The following EBF3 variants were observed in gnomAD, a reference collection of about 807,000 sequenced individuals.
The protein encoded by EBF3 is transcription factor COE3.
A neutral mutation model predicts 77.1 loss-of-function variants in EBF3; 18 were observed. That is an observed-to-expected ratio of 0.23 (90% confidence interval 0.16 to 0.35). The LOEUF is 0.35. Among genes scored for constraint, EBF3 ranks in the 10% least tolerant of loss-of-function variants. The pLI is 1.00. For synonymous variants in EBF3, 350 were observed against 343.5 expected (o/e 1.02, Z -0.21); for missense variants, 558 against 860.0 (o/e 0.65, Z 4.39).
chr10:129,890,258 C>T lies in EBF3; in HGVS notation c.555-12409G>A, dbSNP rs191990617. 2.1e-3 allele frequency among the ~76,000 whole-genome samples: 321 copies of T among 152,340 alleles called. 1 individual carries two copies. Among genetic ancestry groups the T allele is most frequent in the Non-Finnish European group, 3.4e-3 (234 of 68,030 alleles). On this transcript the variant is annotated intron_variant, in intron 6 of 16. Coordinates refer to ENST00000440978, the MANE Select transcript of EBF3 (RefSeq NM_001375380.1). ...ACAACAGAACCTTCAGCAGAAGGAA[C>T]ATCCCCGGGCTGTGTGGTACAAGTG...
chr10:129,895,493 G>A (rs1406319231), intron 6 of EBF3, among the ~76,000 whole-genome samples: 8 of 152,196 alleles, frequency 5.3e-5, no homozygotes, highest in South Asian at 4.1e-4. Context: ...CTTCTCCTCC[G>A]AGTATGGGTA....
intron 10 of EBF3, among the ~76,000 whole-genome samples, chr10:129,856,939 C>A (rs891176130): frequency 6.6e-6 from 1 of 152,110 alleles, no homozygotes; most frequent in African/African-American, 2.4e-5. Context: ...TCTTCCAGGG[C>A]CGGAGTGCCG....
chr10:129,849,165 C>T (rs949942158), intron 10 of EBF3, among the ~76,000 whole-genome samples: 9 of 152,190 alleles, frequency 5.9e-5, no homozygotes, highest in African/African-American at 2.2e-4. Flanking sequence ...GAATCACGGC[C>T]GGGACTCCGT....
intron 10 of EBF3, among the ~76,000 whole-genome samples, chr10:129,851,625 T>G (rs1437872233): frequency 6.6e-6 from 1 of 151,778 alleles, no homozygotes; most frequent in Non-Finnish European, 1.5e-5. Context: ...AGAGGATGAG[T>G]TTTCTAAGAA....
intron 10 of EBF3, among the ~76,000 whole-genome samples, chr10:129,853,290 T>C (rs1433536871): frequency 1.3e-5 from 2 of 152,124 alleles, no homozygotes; most frequent in Admixed American, 6.5e-5. Context: ...ATACAAGAAG[T>C]TTTAGGTTTA....
chr10:129,959,526 G>C (rs1182099069), intron 4 of EBF3, among the ~76,000 whole-genome samples: 7 of 151,968 alleles, frequency 4.6e-5, no homozygotes, highest in South Asian at 2.1e-4. Context: ...AGTTTGCCAA[G>C]GGCCGAGGGC....
Position 129,875,035 on chromosome 10 carries a change from T to C in EBF3, c.637-1439A>G, listed in dbSNP as rs1852660443. On this transcript the variant is annotated intron_variant, in intron 7 of 16. Coordinates refer to ENST00000440978, the MANE Select transcript of EBF3 (RefSeq NM_001375380.1). ...CTATTAATAAAATAATTAAACTAGT[T>C]ACCTAATACAAAATGAATACAATTC... Among the ~76,000 whole-genome samples, 5 of 152,074 alleles carry C rather than the reference T, an allele frequency of 3.3e-5. No homozygotes were observed. In the South Asian group the frequency reaches 1.0e-3, roughly 32 times the overall value.
At chr10:129,902,038 G>A (rs1281899455) in intron 6 of EBF3, among the ~76,000 whole-genome samples, 1 of 152,190 alleles carries the variant, frequency 6.6e-6, no homozygotes, top group Non-Finnish European at 1.5e-5. Context: ...CTGAGGTGAT[G>A]CTTTTAATAC....
At chr10:129,918,492 G>A (rs914451024) in intron 6 of EBF3, among the ~76,000 whole-genome samples, 1 of 152,222 alleles carries the variant, frequency 6.6e-6, no homozygotes, top group African/African-American at 2.4e-5. Context: ...GGGGAGCGTT[G>A]AGAAAGTAAT....
At chr10:129,852,032 G>A (rs1049452809) in intron 10 of EBF3, among the ~76,000 whole-genome samples, 5 of 152,262 alleles carry the variant, frequency 3.3e-5, no homozygotes, top group East Asian at 1.9e-4. Context: ...TAGAATAGCC[G>A]GGAATCACAT....
At chr10:129,961,874 GA>G (rs111668909) in intron 4 of EBF3, among the ~76,000 whole-genome samples, 1 of 152,138 alleles carries the variant, frequency 6.6e-6, no homozygotes, top group African/African-American at 2.4e-5. Context: ...AAATAAACAA[GA>G]GGGGGGACAT....
intron 10 of EBF3, among the ~76,000 whole-genome samples, chr10:129,852,904 G>C (rs566918119): frequency 9.9e-5 from 15 of 152,216 alleles, no homozygotes; most frequent in African/African-American, 3.6e-4. Flanking sequence ...GGCATCCTGT[G>C]AGCAGCAGCC....
intron 6 of EBF3, among the ~76,000 whole-genome samples, chr10:129,940,570 G>C (rs1347490156): frequency 1.3e-5 from 2 of 152,354 alleles, no homozygotes; most frequent in East Asian, 1.9e-4. Flanking sequence ...AGGGCTGTGA[G>C]AGGCATACCT....
chr10:129,891,925 C>T (rs1252799264), intron 6 of EBF3, among the ~76,000 whole-genome samples: 1 of 152,210 alleles, frequency 6.6e-6, no homozygotes, highest in Non-Finnish European at 1.5e-5. Context: ...CCCAATTATC[C>T]GGGAAATTCC....
intron 6 of EBF3, among the ~76,000 whole-genome samples, chr10:129,937,218 C>T (rs1051057636): frequency 4.6e-5 from 7 of 152,066 alleles, no homozygotes; most frequent in Non-Finnish European, 7.4e-5. Context: ...GGGGCCGGGT[C>T]GACAAGGGAA....
rs1245314076 is a variant in EBF3, at chr10:129,839,129, C to A, written c.1826G>T (p.Gly609Val). The change falls in exon 16 of 17, where the codon GGC (glycine) becomes GTC (valine). Residue 609 changes from glycine to valine, a missense_variant. By Grantham distance (109) the Gly-to-Val change is moderately radical (BLOSUM62 -3). This residue lies in a region of EBF3 where 284 missense variants were observed against 368.3 expected (regional missense o/e 0.77). Coordinates refer to ENST00000440978, the MANE Select transcript of EBF3 (RefSeq NM_001375380.1). Reference protein sequence around the residue: ...KTNWPFCEVGGIFHFDELMLK... With the variant: ...KTNWPFCEVGVIFHFDELMLK... ...CATTAGTTCATCAAAGTGAAATATG[C>A]CACCGACTTCACAAAAGGGCCAGTT... 7.7e-7 allele frequency: 1 copy of A among 1,304,356 alleles called. No individual in the cohort carries two copies. The highest frequency in any genetic ancestry group is 2.3e-5 in the Admixed American group (1 of 43,560). The allele number at this position is 1,304,356 out of a possible 1,614,324, so 80.8% of individuals were successfully genotyped here.
At chr10:129,884,259 T>C (rs963017886) in intron 6 of EBF3, among the ~76,000 whole-genome samples, 1 of 152,122 alleles carries the variant, frequency 6.6e-6, no homozygotes, top group Non-Finnish European at 1.5e-5. Flanking sequence ...TCAGAGACAA[T>C]GTGCTTCCCT....
At chr10:129,878,307 C>T (rs1852935110) in intron 6 of EBF3, among the ~76,000 whole-genome samples, 1 of 152,214 alleles carries the variant, frequency 6.6e-6, no homozygotes. Flanking sequence ...ATGGAAATTT[C>T]ACTGGATGTG....
In EBF3 at chr10:129,889,917, G is replaced by A. The variant is rs112521140; in HGVS notation, c.555-12068C>T. Among the ~76,000 whole-genome samples, 16 of 147,914 alleles carry A rather than the reference G, an allele frequency of 1.1e-4. No individual in the cohort carries two copies. In the East Asian group the frequency reaches 1.8e-3, roughly 16 times the overall value. ...TCTTTCCACATTCCCTGAAATCAAC[G>A]GGAAAATGAGCAAAGCCCATTGAAG... On this transcript the variant is annotated intron_variant, in intron 6 of 16. Coordinates refer to ENST00000440978, the MANE Select transcript of EBF3 (RefSeq NM_001375380.1).
Sources: allele counts gnomAD v4.1 joint callset (sites outside exome capture counted in the v4.1 genomes callset), GRCh38; gene constraint gnomAD v4.1.1; regional missense constraint gnomAD v4.1.1; transcripts MANE v1.5; gene names NCBI Gene and HGNC (gene_info 2026-07-23, HGNC 2026-07-21).